Variants in KCMF1 observed in about 807,000 individuals in gnomAD.
The protein encoded by KCMF1 is E3 ubiquitin-protein ligase KCMF1.
In KCMF1, 3 loss-of-function variants were observed where a neutral mutation model predicts 41.1. The ratio of observed to expected loss-of-function variants is 0.07; its 90% CI spans 0.03 to 0.19. The LOEUF (loss-of-function observed/expected upper bound fraction) is 0.19, where lower values mean the gene tolerates loss of function less well. Among genes scored for constraint, KCMF1 ranks in the 10% least tolerant of loss-of-function variants. The pLI is 1.00. For synonymous variants in KCMF1, 142 were observed against 164.5 expected, an observed-to-expected ratio of 0.86 and a Z score of 1.04; for missense variants, 286 against 488.9, an observed-to-expected ratio of 0.58 and a Z score of 3.91.
chr2:85,010,414 A>G (rs1205718228), intron 1 of KCMF1, among the ~76,000 whole-genome samples: 1 of 152,214 alleles, frequency 6.6e-6, no homozygotes. Flanking sequence ...GGCTGCAGTT[A>G]GCCTAGATTG....
At chr2:84,997,622 G>A (rs2103985159) in intron 1 of KCMF1, among the ~76,000 whole-genome samples, 1 of 152,164 alleles carries the variant, frequency 6.6e-6, no homozygotes, top group Non-Finnish European at 1.5e-5. Flanking sequence ...AGGAGCATGA[G>A]GTACCTTGTA....
At position 84,995,748 on chromosome 2, in the gene KCMF1, C is replaced by T. The variant is rs74991114; in HGVS notation, c.16+24281C>T. Among the ~76,000 whole-genome samples, 1,352 of 152,176 alleles carry T rather than the reference C, an allele frequency of 8.9e-3. 6 individuals carry two copies. Among genetic ancestry groups the T allele is most frequent in the Non-Finnish European group, 0.014 (980 of 67,988 alleles). Reference sequence around the variant, plus strand: ...GAAAGATCACTTGAGGCCAGGAGTTCAAAACAAGCGTGGGCAATACATTGA... The same window carrying T: ...GAAAGATCACTTGAGGCCAGGAGTTTAAAACAAGCGTGGGCAATACATTGA... On this transcript the variant is annotated intron_variant, in intron 1 of 6. Coordinates refer to ENST00000409785, the MANE Select transcript of KCMF1 (RefSeq NM_020122.5).
chr2:85,035,082 GA>G lies in KCMF1; in HGVS notation c.256del (p.Met86TrpfsTer23). On this transcript the variant is annotated frameshift_variant, in exon 3 of 7. Coordinates refer to ENST00000409785, the MANE Select transcript of KCMF1 (RefSeq NM_020122.5). LOFTEE classifies it high-confidence loss of function. ...QPQSFTCPYC[G>X]KMGYTETSLQ... ...CAGTCTTTTACTTGTCCCTATTGTG[GA>G]AAAATGGGCTATACGGAGACATCTC... The G allele has an allele frequency of 6.2e-7, 1 of 1,613,284 alleles. No individual in the cohort carries two copies. The highest frequency in any genetic ancestry group is 8.5e-7 in the Non-Finnish European group (1 of 1,179,396).
chr2:84,971,504 G>C (rs996172251), intron 1 of KCMF1, 37 bp downstream of exon 1: 15 of 1,184,004 alleles, frequency 1.3e-5, no homozygotes, highest in Admixed American at 3.8e-5. Flanking sequence ...CACCTCCCGG[G>C]CCTCGGCCTA....
Position 85,000,794 on chromosome 2 carries a change from T to C in KCMF1, c.17-27095T>C, listed in dbSNP as rs1057318674. On this transcript the variant is annotated intron_variant, in intron 1 of 6. Coordinates refer to ENST00000409785, the MANE Select transcript of KCMF1 (RefSeq NM_020122.5). ...TTTACTTTTTTTTTTTTTTTTTTTT[T>C]AAGAGTCAGGGTCTTGCTTTGTTGC... Among the ~76,000 whole-genome samples the C allele has an allele frequency of 2.1e-5, 3 of 142,546 alleles. No individual in the cohort carries two copies. The South Asian group carries it at 6.4e-4, about 31-fold the overall frequency. The allele number at this position is 142,546 out of a possible 152,430, so 93.5% of individuals were successfully genotyped here.
In KCMF1 at chr2:85,027,924, C is replaced by A. The variant is rs747718482; in HGVS notation, c.52C>A (p.Arg18=). The change falls in exon 2 of 7, where the codon CGA becomes AGA. Residue 18 remains arginine (R), a synonymous_variant. Transcript: ENST00000409785. Reference sequence around the variant, plus strand: ...TGATGCATGTTTAAAAGGAAATTTTCGAGGTCGCAGATATAAGTGTTTAAT... The same window carrying A: ...TGATGCATGTTTAAAAGGAAATTTTAGAGGTCGCAGATATAAGTGTTTAAT... ...SCDACLKGNF[R]GRRYKCLICY... is the part of the protein sequence containing the mutation. The A allele has an allele frequency of 6.8e-6, 11 of 1,609,010 alleles. No individual in the cohort carries two copies. The highest frequency in any genetic ancestry group is 8.5e-6 in the Non-Finnish European group (10 of 1,178,184).
At chr2:85,023,104 G>T (rs1574030265) in intron 1 of KCMF1, among the ~76,000 whole-genome samples, 2 of 151,540 alleles carry the variant, frequency 1.3e-5, no homozygotes, top group African/African-American at 2.4e-5. Flanking sequence ...AGCCAGGATG[G>T]TCTCGATCTC....
intron 1 of KCMF1, among the ~76,000 whole-genome samples, chr2:84,993,974 G>A (rs1674112768): frequency 6.7e-6 from 1 of 149,482 alleles, no homozygotes; most frequent in African/African-American, 2.5e-5. Context: ...TTGAGACAGA[G>A]TCTTGCTCTG....
intron 3 of KCMF1, among the ~76,000 whole-genome samples, chr2:85,041,533 AGAT>A (rs1004070124): frequency 6.6e-6 from 1 of 152,178 alleles, no homozygotes; most frequent in African/African-American, 2.4e-5. Flanking sequence ...AGTTGTTTAT[AGAT>A]TTTACCCGAA....
Position 85,057,460 on chromosome 2 carries a change from G to A in KCMF1, c.*4051G>A, listed in dbSNP as rs1465949355. 3 of 152,236 alleles carry A rather than the reference G, an allele frequency of 2.0e-5. No homozygotes were observed. Among genetic ancestry groups the A allele is most frequent in the African/African-American group, 7.2e-5 (3 of 41,434 alleles). 9.4% of individuals were successfully genotyped at this position (152,236 alleles called of 1,614,324 possible). A position where few individuals can be genotyped will look rare whatever the true frequency, so the allele number is the denominator to read the frequency against. On this transcript the variant is annotated 3_prime_UTR_variant, in exon 7 of 7. Transcript: ENST00000409785. ...GGGTAGAGGTTAGGGTTAGAGTGCA[G>A]GATGGAGCAGCAGTCTGCAGACTTT...
rs76553834 is a variant in KCMF1 at position 84,973,407 on chromosome 2, T to C, written c.16+1940T>C. Among the ~76,000 whole-genome samples, 513 of 152,370 alleles carry C rather than the reference T, an allele frequency of 3.4e-3. 2 individuals are homozygous for C. Among genetic ancestry groups the C allele is most frequent in the Non-Finnish European group, 6.0e-3 (407 of 68,038 alleles). ...CAAAGGTGTGTGGTTATGAAACTTA[T>C]ATTACCTTTTAGTTACTTGAATATT... On this transcript the variant is annotated intron_variant, in intron 1 of 6. Coordinates refer to ENST00000409785, the MANE Select transcript of KCMF1 (RefSeq NM_020122.5).
chr2:85,023,544 A>G (rs1170194327), intron 1 of KCMF1, among the ~76,000 whole-genome samples: 1 of 151,580 alleles, frequency 6.6e-6, no homozygotes, highest in Non-Finnish European at 1.5e-5. Flanking sequence ...GATGGTGTCG[A>G]TCTACTGACC....
intron 1 of KCMF1, among the ~76,000 whole-genome samples, chr2:85,004,309 A>T (rs970798647): frequency 5.9e-5 from 9 of 152,096 alleles, no homozygotes; most frequent in Non-Finnish European, 7.3e-5. Flanking sequence ...CAGGAGATTG[A>T]GACTATCCTG....
intron 1 of KCMF1, among the ~76,000 whole-genome samples, chr2:84,990,996 G>A (rs1334567452): frequency 6.6e-6 from 1 of 152,168 alleles, no homozygotes; most frequent in South Asian, 2.1e-4. Flanking sequence ...CATTCTAGCT[G>A]CAGGGTGGAG....
intron 2 of KCMF1, among the ~76,000 whole-genome samples, chr2:85,032,574 A>G (rs1675302835): frequency 6.6e-6 from 1 of 151,882 alleles, no homozygotes; most frequent in South Asian, 2.1e-4. Flanking sequence ...ACGGGGTTTC[A>G]CCATGTTGGC....
chr2:85,032,694 G>A (rs1675304492), intron 2 of KCMF1, among the ~76,000 whole-genome samples: 2 of 152,162 alleles, frequency 1.3e-5, no homozygotes, highest in Admixed American at 6.5e-5. Context: ...TGTATTTTTA[G>A]TAGAGATGGG....
intron 1 of KCMF1, among the ~76,000 whole-genome samples, chr2:85,008,251 T>TATCATATATAATATATA (rs1558573230): frequency 1.9e-5 from 2 of 103,744 alleles, no homozygotes; most frequent in Non-Finnish European, 3.8e-5. Context: ...ATATATGATA[T>TATCATATATAATATATA]ATATTATATA....
chr2:84,973,817 ATTTC>A (rs1260228107), intron 1 of KCMF1, among the ~76,000 whole-genome samples: 27 of 107,006 alleles, frequency 2.5e-4, no homozygotes, highest in Admixed American at 5.7e-4. Context: ...CTTTTTCTTT[ATTTC>A]TTTCTTTTTT....
intron 1 of KCMF1, among the ~76,000 whole-genome samples, chr2:84,982,389 CTTTT>C (rs34687477): frequency 2.1e-4 from 10 of 47,258 alleles, no homozygotes; most frequent in African/African-American, 7.1e-4. Flanking sequence ...TCCTTATTTT[CTTTT>C]TTTTTTTTTT....
Sources: gnomAD v4.1 joint callset for allele counts (sites outside exome capture counted in the v4.1 genomes callset) on GRCh38, gnomAD v4.1.1 for gene constraint, MANE v1.5 for transcripts, NCBI Gene and HGNC (gene_info 2026-07-23, HGNC 2026-07-21) for gene names.